The following PREX2 variants were observed in gnomAD, a reference collection of about 807,000 sequenced individuals.
PREX2 encodes phosphatidylinositol 3,4,5-trisphosphate-dependent Rac exchanger 2 protein.
PREX2 carries 107 observed loss-of-function variants against 203.2 expected under a neutral mutation model. That is an observed-to-expected ratio of 0.53 (90% CI 0.45 to 0.62). The LOEUF is 0.62. PREX2 is among the 20% of genes least tolerant of loss of function. PREX2 has a pLI of 0.00. For missense variants in PREX2, 1,777 were observed against 1,955.9 expected, an observed-to-expected ratio of 0.91 and a Z score of 1.72; for synonymous variants, 672 against 663.6, an observed-to-expected ratio of 1.01 and a Z score of -0.19.
intron 5 of PREX2, among the ~76,000 whole-genome samples, chr8:68,029,686 A>G (rs374182355): frequency 1.3e-5 from 2 of 152,194 alleles, no homozygotes; most frequent in Non-Finnish European, 1.5e-5. Context: ...AAGGAAACAC[A>G]TGACTAATTA....
At chr8:68,093,480 A>G (rs187697856) in intron 20 of PREX2, 125 bp from the exon 21 acceptor site, 3 of 514,746 alleles carry the variant, frequency 5.8e-6, no homozygotes, top group African/African-American at 3.9e-5. Flanking sequence ...TGTTAATTGT[A>G]TCTCTCTTTC....
At chr8:68,045,491 G>T (rs1808324803) in intron 8 of PREX2, among the ~76,000 whole-genome samples, 1 of 152,058 alleles carries the variant, frequency 6.6e-6, no homozygotes, top group African/African-American at 2.4e-5. Flanking sequence ...CAGAAGCACA[G>T]AATTTCAAAT....
chr8:67,960,614 T>G (rs1467218120), intron 1 of PREX2, among the ~76,000 whole-genome samples: 1 of 152,146 alleles, frequency 6.6e-6, no homozygotes, highest in Admixed American at 6.5e-5. Flanking sequence ...AAGGAACTTA[T>G]GAGTAAGGAC....
intron 1 of PREX2, among the ~76,000 whole-genome samples, chr8:67,997,077 G>A (rs190047242): frequency 7.1e-4 from 108 of 152,156 alleles, no homozygotes; most frequent in Middle Eastern, 3.4e-3. Context: ...CTTAATGGGT[G>A]GTATTTATGG....
At chr8:68,080,266 C>T (rs1368504912) in intron 15 of PREX2, among the ~76,000 whole-genome samples, 177 bp from the exon 16 acceptor site, 4 of 128,414 alleles carry the variant, frequency 3.1e-5, no homozygotes, top group African/African-American at 8.7e-5. Context: ...GACATTGGCT[C>T]GAAATTATAG....
chr8:68,165,485 G>T (rs1585839610), intron 35 of PREX2, among the ~76,000 whole-genome samples: 1 of 151,960 alleles, frequency 6.6e-6, no homozygotes, highest in Non-Finnish European at 1.5e-5. Context: ...GTTGAGCAAA[G>T]AATAGTTTGA....
chr8:67,980,289 C>G (rs143422787), intron 1 of PREX2, among the ~76,000 whole-genome samples: 3 of 152,170 alleles, frequency 2.0e-5, no homozygotes, highest in Non-Finnish European at 4.4e-5. Context: ...TAGCCTTCCC[C>G]CAGGGTCTCC....
rs1809388694 is a variant in PREX2, at chr8:68,077,576, A to C, written c.1642+107A>C. ...TGAGGTCATTTAGGGATGAGCCAGC[A>C]AGACTGTCTGGGTCTTGCCATGGGT... On this transcript the variant is annotated intron_variant, in intron 15 of 39. Coordinates refer to ENST00000288368, the MANE Select transcript of PREX2 (RefSeq NM_024870.4). 3 of 844,460 alleles carry C rather than the reference A, an allele frequency of 3.6e-6. No homozygotes were observed. The East Asian group carries it at 7.4e-5, about 21-fold the overall frequency. 52.3% of individuals were successfully genotyped at this position (844,460 alleles called of 1,614,324 possible).
chr8:68,097,459 G>A (rs1432451382), intron 22 of PREX2, among the ~76,000 whole-genome samples: 1 of 151,936 alleles, frequency 6.6e-6, no homozygotes, highest in African/African-American at 2.4e-5. Flanking sequence ...CAAGTAGCTG[G>A]GATTACAGGC....
intron 1 of PREX2, among the ~76,000 whole-genome samples, chr8:67,958,852 G>A (rs1364957029): frequency 6.6e-6 from 1 of 152,118 alleles, no homozygotes; most frequent in African/African-American, 2.4e-5. Flanking sequence ...TGGAATGCAG[G>A]GGACAGAACA....
chr8:68,149,251 G>T (rs1000118666), intron 34 of PREX2, among the ~76,000 whole-genome samples: 5 of 152,164 alleles, frequency 3.3e-5, no homozygotes, highest in Non-Finnish European at 7.3e-5. Flanking sequence ...AGTTGATGGG[G>T]CATCCTTCAG....
intron 14 of PREX2, among the ~76,000 whole-genome samples, chr8:68,075,120 A>G (rs1809306228): frequency 6.6e-6 from 1 of 152,198 alleles, no homozygotes; most frequent in African/African-American, 2.4e-5. Context: ...GCTTCTTCAC[A>G]TCCATGCGGT....
intron 37 of PREX2, among the ~76,000 whole-genome samples, chr8:68,199,144 GT>G (rs11284407): frequency 0.25 from 37,683 of 151,904 alleles, 6,704 homozygotes; most frequent in East Asian, 0.82. Flanking sequence ...GCATGGGGGG[GT>G]TCACCAGCAC....
Position 68,119,456 on chromosome 8 carries a change from G to C in PREX2, c.3446G>C (p.Arg1149Pro). 1 of 1,613,258 alleles carries C rather than the reference G, an allele frequency of 6.2e-7. No individual in the cohort carries two copies. The highest frequency in any genetic ancestry group is 1.1e-5 in the South Asian group (1 of 91,002). ...DSGDELPLSVRISHDKQDKIH... is the reference protein window; with the variant it reads ...DSGDELPLSVPISHDKQDKIH... ...GGTGATGAACTTCCCTTAAGTGTTC[G>C]CATATCTCATGATAAACAGGACAAG... Residue 1149 changes from arginine (R) to proline (P), a missense_variant, in exon 28 of 40, where the codon CGC (arginine) becomes CCC (proline). By Grantham distance (103) the Arg-to-Pro change is moderately radical. Coordinates refer to ENST00000288368, the MANE Select transcript of PREX2 (RefSeq NM_024870.4).
intron 10 of PREX2, among the ~76,000 whole-genome samples, chr8:68,059,889 C>T (rs1233776839): frequency 6.6e-6 from 1 of 152,196 alleles, no homozygotes; most frequent in African/African-American, 2.4e-5. Context: ...TCTCCATCTT[C>T]AGAGCTGGCA....
intron 33 of PREX2, among the ~76,000 whole-genome samples, chr8:68,142,365 G>C (rs1811246733): frequency 6.6e-6 from 1 of 152,084 alleles, no homozygotes; most frequent in South Asian, 2.1e-4. Context: ...GCCTTTTTCA[G>C]AACATCATAT....
chr8:67,967,404 A>T (rs1474539725), intron 1 of PREX2, among the ~76,000 whole-genome samples: 2 of 152,132 alleles, frequency 1.3e-5, no homozygotes, highest in African/African-American at 4.8e-5. Flanking sequence ...CCACTGCCTC[A>T]CTCTGTTCTG....
At chr8:68,220,314 T>C (rs1479745487) in intron 38 of PREX2, 3 of 152,182 alleles carry the variant, frequency 2.0e-5, no homozygotes, top group Non-Finnish European at 4.4e-5. Flanking sequence ...GGCAGCACTT[T>C]ATGTAACCAG....
chr8:68,116,949 A>G (rs181778566), intron 26 of PREX2, among the ~76,000 whole-genome samples: 21 of 152,320 alleles, frequency 1.4e-4, no homozygotes, highest in African/African-American at 5.1e-4. Context: ...GAATCCATGT[A>G]TCACCTGATA....
Sources: gnomAD v4.1 joint callset for allele counts (sites outside exome capture counted in the v4.1 genomes callset) on GRCh38, gnomAD v4.1.1 for gene constraint, MANE v1.5 for transcripts, NCBI Gene and HGNC (gene_info 2026-07-23, HGNC 2026-07-21) for gene names.